EFHC2: variants seen among roughly 807,000 people sequenced by gnomAD.
The protein encoded by EFHC2 is EF-hand domain containing 2.
EFHC2 carries 18 observed loss-of-function variants against 52.7 expected under a neutral mutation model. The observed-to-expected ratio is 0.34, with a 90% CI of 0.24 to 0.51. The LOEUF is 0.51. Among genes scored for constraint, EFHC2 ranks in the 20% least tolerant of loss-of-function variants. The pLI is 0.97. For missense variants in EFHC2, 513 were observed against 562.5 expected, an observed-to-expected ratio of 0.91 and a Z score of 0.89; for synonymous variants, 203 against 204.1, an observed-to-expected ratio of 0.99 and a Z score of 0.04.
At chrX:44,328,407 T>C (rs1248429411) in intron 1 of EFHC2, among the ~76,000 whole-genome samples, 2 of 111,459 alleles carry the variant, frequency 1.8e-5, no homozygotes, top group Non-Finnish European at 3.8e-5. Flanking sequence ...TGAGCCTCTA[T>C]ACATGTGCCA....
At chrX:44,190,076 T>C (rs1185299044) in intron 11 of EFHC2, among the ~76,000 whole-genome samples, 3 of 112,132 alleles carry the variant, frequency 2.7e-5, no homozygotes, top group African/African-American at 9.7e-5. Flanking sequence ...TCTGTGACTT[T>C]GATTTCTATT....
rs376580257 is a variant in EFHC2, at chrX:44,202,373, T to C, written c.1752-23809A>G. On this transcript the variant is annotated intron_variant, in intron 11 of 14. Coordinates refer to ENST00000420999, the MANE Select transcript of EFHC2 (RefSeq NM_025184.4). Reference sequence around the variant, plus strand: ...GCTGTAGTGAGCGGAGATCGCTCCATTGCACTCCAGCCTGGGCGACAGAGC... The same window carrying C: ...GCTGTAGTGAGCGGAGATCGCTCCACTGCACTCCAGCCTGGGCGACAGAGC... Among the ~76,000 whole-genome samples the C allele has an allele frequency of 1.8e-4, 20 of 111,146 alleles. No homozygotes were observed. In the South Asian group the frequency reaches 6.5e-3, roughly 36 times the overall value.
intron 12 of EFHC2, among the ~76,000 whole-genome samples, chrX:44,176,858 T>C (rs1569277101): frequency 8.9e-6 from 1 of 111,938 alleles, no homozygotes; most frequent in East Asian, 2.8e-4. Context: ...GGCCTCAATA[T>C]TCACTTCAAT....
rs1569293121 is a variant in EFHC2 at position 44,248,688 on chromosome X, T to C, written c.972+115A>G. ...AATAGCAGTACAATGCATACATTTA[T>C]GTATTCATCGATTTCATTCACAATC... On this transcript the variant is annotated intron_variant, in intron 6 of 14. Coordinates refer to ENST00000420999, the MANE Select transcript of EFHC2 (RefSeq NM_025184.4). The C allele has an allele frequency of 6.7e-6, 4 of 596,813 alleles. No individual in the cohort carries two copies. The East Asian group carries it at 1.1e-4, about 16-fold the overall frequency. 49.2% of individuals were successfully genotyped at this position (596,813 alleles called of 1,213,427 possible).
intron 8 of EFHC2, among the ~76,000 whole-genome samples, chrX:44,239,408 T>C (rs1602170348): frequency 1.8e-5 from 2 of 112,310 alleles, no homozygotes; most frequent in Admixed American, 1.9e-4. Context: ...CAGCACTAAC[T>C]CTTATGGAAG....
At chrX:44,301,875 T>A (rs1486049125) in intron 2 of EFHC2, among the ~76,000 whole-genome samples, 1 of 112,453 alleles carries the variant, frequency 8.9e-6, no homozygotes, top group Non-Finnish European at 1.9e-5. Flanking sequence ...GTTGTATAGT[T>A]TTCATTATGT....
At chrX:44,272,930 T>C (rs1267572045) in intron 2 of EFHC2, 94 bp from the exon 3 acceptor site, 2 of 790,849 alleles carry the variant, frequency 2.5e-6, no homozygotes, top group Non-Finnish European at 3.5e-6. Flanking sequence ...TTTGTTAATA[T>C]AAAGAAAAAA....
chrX:44,285,780 C>A, intron 2 of EFHC2: 1 of 156,367 alleles, frequency 6.4e-6, no homozygotes, highest in South Asian at 1.5e-4. Context: ...ACGCATATCC[C>A]AGAGCAGCAG....
chrX:44,302,541 C>G (rs2037875996), intron 2 of EFHC2, among the ~76,000 whole-genome samples: 1 of 112,492 alleles, frequency 8.9e-6, no homozygotes, highest in African/African-American at 3.2e-5. Context: ...AGCTTTATCA[C>G]TTTAATATAA....
rs1337286962 is a variant in EFHC2 at position 44,176,338 on chromosome X, A to C, written c.1996T>G (p.Ser666Ala). ...AGATCATCACTCAAAGGTAATCTGG[A>C]GGATTTGCACAGCCTTTTAATGTCT... ...TKDIKRLCKS[S>A]RLPLSDDLLE... The change falls in exon 13 of 15, where the codon TCC (serine) becomes GCC (alanine). Residue 666 changes from serine (S) to alanine (A), a missense_variant. Coordinates refer to ENST00000420999, the MANE Select transcript of EFHC2 (RefSeq NM_025184.4). 1.7e-6 allele frequency: 2 copies of C among 1,199,366 alleles called. No homozygotes were observed. Among genetic ancestry groups the C allele is most frequent in the African/African-American group, 3.5e-5 (2 of 57,109 alleles).
chrX:44,173,316 G>C (rs1338333957), intron 13 of EFHC2, among the ~76,000 whole-genome samples: 1 of 112,009 alleles, frequency 8.9e-6, no homozygotes, highest in African/African-American at 3.2e-5. Flanking sequence ...ACGGGAGACT[G>C]TAGACGTCAG....
chrX:44,311,192 A>G (rs2037945545), intron 2 of EFHC2, among the ~76,000 whole-genome samples: 1 of 111,755 alleles, frequency 8.9e-6, no homozygotes, highest in East Asian at 2.8e-4. Flanking sequence ...ATAATCCAAG[A>G]AAAGAATATT....
chrX:44,192,997 A>T (rs2036934461), intron 11 of EFHC2, among the ~76,000 whole-genome samples: 2 of 110,536 alleles, frequency 1.8e-5, no homozygotes, highest in Non-Finnish European at 3.8e-5. Flanking sequence ...TGGGAGCCAG[A>T]CATGCTTCAT....
intron 11 of EFHC2, among the ~76,000 whole-genome samples, chrX:44,201,546 A>C (rs1331482593): frequency 8.9e-6 from 1 of 111,888 alleles, no homozygotes; most frequent in African/African-American, 3.2e-5. Context: ...AAAGGTTATA[A>C]AAAATTTAAA....
At chrX:44,241,308 G>A (rs774463454) in intron 8 of EFHC2, among the ~76,000 whole-genome samples, 94 of 112,116 alleles carry the variant, frequency 8.4e-4, no homozygotes, top group African/African-American at 2.9e-3. Context: ...CTATATGCAT[G>A]ATTTACAGGC....
At chrX:44,294,653 C>T (rs1287837912) in intron 2 of EFHC2, among the ~76,000 whole-genome samples, 2 of 111,718 alleles carry the variant, frequency 1.8e-5, no homozygotes, top group Non-Finnish European at 3.8e-5. Flanking sequence ...GTTCAAAGCT[C>T]TGTGCTGTGG....
intron 5 of EFHC2, among the ~76,000 whole-genome samples, chrX:44,249,387 C>G (rs1297393144): frequency 9.1e-6 from 1 of 110,470 alleles, no homozygotes; most frequent in Admixed American, 9.6e-5. Context: ...TTTGAAAAAG[C>G]CTTTATGTTC....
At chrX:44,202,274 G>A (rs1313985903) in intron 11 of EFHC2, among the ~76,000 whole-genome samples, 2 of 111,470 alleles carry the variant, frequency 1.8e-5, no homozygotes, top group East Asian at 2.8e-4. Flanking sequence ...TCAGCCGGGC[G>A]TGGTGGTGGG....
chrX:44,166,929 T>C (rs1307657060), intron 13 of EFHC2, among the ~76,000 whole-genome samples: 3 of 111,902 alleles, frequency 2.7e-5, no homozygotes, highest in African/African-American at 9.8e-5. Flanking sequence ...TAACTTCCTG[T>C]CTTGGTCTTG....
Sources: allele counts gnomAD v4.1 joint callset (sites outside exome capture counted in the v4.1 genomes callset), GRCh38; gene constraint gnomAD v4.1.1; transcripts MANE v1.5; gene names NCBI Gene and HGNC (gene_info 2026-07-23, HGNC 2026-07-21).